MTMR14: variants seen among roughly 807,000 people sequenced by gnomAD.
The protein encoded by MTMR14 is phosphatidylinositol-3,5-bisphosphate 3-phosphatase MTMR14.
Under a neutral mutation model 86.3 loss-of-function variants are expected in MTMR14, and 48 were observed. The observed-to-expected ratio is 0.56, with a 90% CI of 0.44 to 0.71. The LOEUF is 0.71. MTMR14 is among the 30% of genes least tolerant of loss of function. MTMR14 has a pLI of 0.00. For synonymous variants in MTMR14, 366 were observed against 326.1 expected, an observed-to-expected ratio of 1.12 and a Z score of -1.32; for missense variants, 780 against 834.6, an observed-to-expected ratio of 0.93 and a Z score of 0.81.
At chr3:9,675,436 T>C (rs1200950772) in intron 7 of MTMR14, 4 of 349,312 alleles carry the variant, frequency 1.1e-5, no homozygotes, top group Non-Finnish European at 2.3e-5. Context: ...TTGAGCCCTG[T>C]GATGACTTTG....
intron 3 of MTMR14, among the ~76,000 whole-genome samples, chr3:9,665,584 T>C (rs1405720561): frequency 6.6e-6 from 1 of 152,150 alleles, no homozygotes; most frequent in African/African-American, 2.4e-5. Context: ...TTACACAATA[T>C]ATCCATGTAA....
chr3:9,678,233 TC>T (rs1189989573), intron 9 of MTMR14, among the ~76,000 whole-genome samples, 175 bp downstream of exon 9: 1 of 152,152 alleles, frequency 6.6e-6, no homozygotes, highest in Non-Finnish European at 1.5e-5. Flanking sequence ...CGTTCAACTA[TC>T]TCCTGATTTG....
At position 9,677,042 on chromosome 3, in the gene MTMR14, C is replaced by G. The variant is rs907586219; in HGVS notation, c.752-275C>G. On this transcript the variant is annotated intron_variant, in intron 7 of 18. Coordinates refer to ENST00000296003, the MANE Select transcript of MTMR14 (RefSeq NM_001077525.3). The surrounding 1 kb of genome is among the most constrained non-coding windows in gnomAD (Gnocchi z 4.2). ...CAATGTGGGGGAAGTGACTGGTGACCAGTGAGCATAGATGGAGAAAGTTAC... is the reference window on the plus strand; with the variant it reads ...CAATGTGGGGGAAGTGACTGGTGACGAGTGAGCATAGATGGAGAAAGTTAC... 2.6e-5 allele frequency among the ~76,000 whole-genome samples: 4 copies of G among 152,190 alleles called. No individual in the cohort carries two copies. Among genetic ancestry groups the G allele is most frequent in the Admixed American group, 2.6e-4 (4 of 15,280 alleles).
At chr3:9,680,693 C>G (rs1056229165) in intron 9 of MTMR14, among the ~76,000 whole-genome samples, 1 of 152,132 alleles carries the variant, frequency 6.6e-6, no homozygotes, top group Non-Finnish European at 1.5e-5. Context: ...AAAAATTAGC[C>G]GGGCGTGGTG....
intron 16 of MTMR14, 127 bp from the exon 17 acceptor site, chr3:9,689,837 A>C: frequency 1.1e-6 from 1 of 920,972 alleles, no homozygotes; most frequent in South Asian, 1.6e-5. Flanking sequence ...AGAGAGTGCT[A>C]ATGTTTGCCA....
chr3:9,649,631 G>A lies in MTMR14; in HGVS notation c.48G>A (p.Ser16=), dbSNP rs1231636773. The A allele has an allele frequency of 3.2e-5, 50 of 1,562,362 alleles. No individual in the cohort carries two copies. Among genetic ancestry groups the A allele is most frequent in the Non-Finnish European group, 4.1e-5 (47 of 1,154,706 alleles). The part of the protein sequence containing the change: ...AAAAAASAGS[S]ASSGNQPPQE... ...CCGCCGCTGCCTCGGCGGGGTCCTCGGCCTCTTCAGGCAACCAGCCGCCTC... is the reference window on the plus strand; with the variant it reads ...CCGCCGCTGCCTCGGCGGGGTCCTCAGCCTCTTCAGGCAACCAGCCGCCTC... The change falls in exon 1 of 19, where the codon TCG becomes TCA. Residue 16 remains serine, a synonymous_variant. Transcript: ENST00000296003.
At chr3:9,656,662 G>T (rs1004744584) in intron 2 of MTMR14, among the ~76,000 whole-genome samples, 3 of 152,076 alleles carry the variant, frequency 2.0e-5, no homozygotes, top group African/African-American at 7.2e-5. Context: ...CAAACAATCC[G>T]CCTGCCATGG....
rs1197783062 is a variant in MTMR14 at position 9,653,855 on chromosome 3, G to T, written c.308+86G>T. 7 of 1,561,344 alleles carry T rather than the reference G, an allele frequency of 4.5e-6. No individual in the cohort carries two copies. In the East Asian group the frequency reaches 1.1e-4, roughly 25 times the overall value. ...GCCAGGAAGTCTGTAGCTGGGCAGG[G>T]CAGAATCACTTTCCCCAGGTGTTAA... On this transcript the variant is annotated intron_variant, in intron 2 of 18. Transcript: ENST00000296003.
intron 9 of MTMR14, among the ~76,000 whole-genome samples, chr3:9,681,417 G>A (rs914142188): frequency 6.6e-6 from 1 of 152,164 alleles, no homozygotes; most frequent in African/African-American, 2.4e-5. Flanking sequence ...TGCCAAAACA[G>A]CCTCTGCCCT....
chr3:9,682,787 C>T (rs1198336607), intron 9 of MTMR14, among the ~76,000 whole-genome samples: 1 of 152,216 alleles, frequency 6.6e-6, no homozygotes, highest in Non-Finnish European at 1.5e-5. Context: ...TGGCTACAGC[C>T]TCAGGGCTCT....
chr3:9,653,754 A>G lies in MTMR14; in HGVS notation c.293A>G (p.Glu98Gly). Residue 98 changes from glutamate to glycine, a missense_variant, in exon 2 of 19, where the codon GAG becomes GGG. Coordinates refer to ENST00000296003, the MANE Select transcript of MTMR14 (RefSeq NM_001077525.3). The stretch of plus-strand genomic sequence containing the variant: ...GTGTTCCTGGAGTATGAGAGTTCTG[A>G]GAAGGAGAAAGACACGTGAGCATCA... ...HIVFLEYESS[E>G]KEKDTFESTV... The G allele has an allele frequency of 6.2e-7, 1 of 1,614,162 alleles. No homozygotes were observed. The highest frequency in any genetic ancestry group is 1.6e-4 in the Middle Eastern group (1 of 6,062).
At chr3:9,699,556 A>G (rs913006780) in intron 18 of MTMR14, 7 of 152,226 alleles carry the variant, frequency 4.6e-5, no homozygotes, top group East Asian at 1.9e-4. Context: ...TAGCTGCTCT[A>G]TTCACCAGCT....
chr3:9,702,009 C>T lies in MTMR14; in HGVS notation c.*36C>T. 1 of 1,612,518 alleles carries T rather than the reference C, an allele frequency of 6.2e-7. No homozygotes were observed. The highest frequency in any genetic ancestry group is 1.1e-5 in the South Asian group (1 of 91,008). On this transcript the variant is annotated 3_prime_UTR_variant, in exon 19 of 19. Coordinates refer to ENST00000296003, the MANE Select transcript of MTMR14 (RefSeq NM_001077525.3). Reference sequence around the variant, plus strand: ...CCATGACATTTTCCTGCTCCTCTCTCAGCTGAGCCCTTAGCAGAGAATCAA... The same window carrying T: ...CCATGACATTTTCCTGCTCCTCTCTTAGCTGAGCCCTTAGCAGAGAATCAA...
chr3:9,662,359 TC>T lies in MTMR14; in HGVS notation c.403del (p.Leu135CysfsTer80). ...RCRGRFVCPV[I>X]LFKGKHICRS... Reference sequence around the variant, plus strand: ...AGAGGACGGTTTGTCTGCCCAGTAATCCTGTTCAAGGGCAAGGTAAGGCCCA... The same window carrying T: ...AGAGGACGGTTTGTCTGCCCAGTAATCTGTTCAAGGGCAAGGTAAGGCCCA... On this transcript the variant is annotated frameshift_variant, in exon 3 of 19. Coordinates refer to ENST00000296003, the MANE Select transcript of MTMR14 (RefSeq NM_001077525.3). LOFTEE classifies it high-confidence loss of function. The T allele has an allele frequency of 6.2e-7, 1 of 1,613,214 alleles. No individual in the cohort carries two copies. The highest frequency in any genetic ancestry group is 8.5e-7 in the Non-Finnish European group (1 of 1,179,794).
At chr3:9,682,648 A>T (rs1000725559) in intron 9 of MTMR14, among the ~76,000 whole-genome samples, 1 of 152,222 alleles carries the variant, frequency 6.6e-6, no homozygotes, top group African/African-American at 2.4e-5. Context: ...TTTATTATTC[A>T]TCAAAAGATA....
chr3:9,661,813 AAT>A (rs1460687431), intron 2 of MTMR14, among the ~76,000 whole-genome samples: 2 of 151,872 alleles, frequency 1.3e-5, no homozygotes, highest in Admixed American at 6.6e-5. Context: ...TGAAAAACTT[AAT>A]ATATCTCATG....
chr3:9,702,080 A>G lies in MTMR14; in HGVS notation c.*107A>G. 1.4e-6 allele frequency: 2 copies of G among 1,414,040 alleles called. No homozygotes were observed. Among genetic ancestry groups the G allele is most frequent in the South Asian group, 2.3e-5 (2 of 85,286 alleles). 87.6% of individuals were successfully genotyped at this position (1,414,040 alleles called of 1,614,324 possible). A position where few individuals can be genotyped will look rare whatever the true frequency, so the allele number is the denominator to read the frequency against. ...GTACTTCCAGGTCAGGGGAAATTTCAGTCCCCCATCTCCATCATGAACATG... is the reference window on the plus strand; with the variant it reads ...GTACTTCCAGGTCAGGGGAAATTTCGGTCCCCCATCTCCATCATGAACATG... On this transcript the variant is annotated 3_prime_UTR_variant, in exon 19 of 19. Transcript: ENST00000296003.
At chr3:9,653,469 G>T (rs2047425375) in intron 1 of MTMR14, 152 bp from the exon 2 acceptor site, 3 of 877,668 alleles carry the variant, frequency 3.4e-6, no homozygotes, top group Non-Finnish European at 3.7e-6. Flanking sequence ...CTACACGTAG[G>T]ACCTGTGGCC....
chr3:9,688,885 G>C (rs1399152015), intron 15 of MTMR14, 59 bp from the exon 16 acceptor site: 2 of 1,612,830 alleles, frequency 1.2e-6, no homozygotes, highest in Non-Finnish European at 1.7e-6. Flanking sequence ...TATAGAAAAG[G>C]TGGGGGACCA....
Sources: allele counts gnomAD v4.1 joint callset (sites outside exome capture counted in the v4.1 genomes callset), GRCh38; gene constraint gnomAD v4.1.1; non-coding constraint Gnocchi (gnomAD v3.1); transcripts MANE v1.5; gene names NCBI Gene and HGNC (gene_info 2026-07-23, HGNC 2026-07-21).